Variants in NBEA observed in about 807,000 individuals in gnomAD.
NBEA encodes the protein lysosomal-trafficking regulator 2.
Under a neutral mutation model 343.4 loss-of-function variants are expected in NBEA, and 44 were observed. That is an observed-to-expected ratio of 0.13 (90% CI 0.10 to 0.16). NBEA has a LOEUF of 0.16. Ranked by LOEUF, NBEA falls within the 10% of genes least tolerant of loss-of-function variation. The pLI is 1.00. For synonymous variants in NBEA, 1,175 were observed against 1,238.7 expected (o/e 0.95, Z 1.08); for missense variants, 2,555 against 3,631.3 (o/e 0.70, Z 7.62).
intron 38 of NBEA, among the ~76,000 whole-genome samples, chr13:35,390,945 C>A (rs1240034450): frequency 6.6e-6 from 1 of 151,952 alleles, no homozygotes; most frequent in Non-Finnish European, 1.5e-5. Flanking sequence ...TTCATACTTA[C>A]CTGAAAATTC....
At chr13:35,554,270 A>G (rs1333606463) in intron 43 of NBEA, among the ~76,000 whole-genome samples, 1 of 152,200 alleles carries the variant, frequency 6.6e-6, no homozygotes, top group Non-Finnish European at 1.5e-5. Flanking sequence ...TAAGGGTGCC[A>G]TGAATTGAAA....
At chr13:35,076,510 G>A (rs1009243164) in intron 10 of NBEA, among the ~76,000 whole-genome samples, 1 of 151,860 alleles carries the variant, frequency 6.6e-6, no homozygotes, top group Non-Finnish European at 1.5e-5. Context: ...TAAATTTAGC[G>A]ACAGCCACTT....
At chr13:35,406,291 C>A (rs1466132382) in intron 38 of NBEA, among the ~76,000 whole-genome samples, 1 of 77,648 alleles carries the variant, frequency 1.3e-5, no homozygotes. Flanking sequence ...TTGACCTCAG[C>A]CAAATCTTTT....
chr13:35,538,005 C>G (rs75419091), intron 41 of NBEA, among the ~76,000 whole-genome samples: 1 of 152,310 alleles, frequency 6.6e-6, no homozygotes, highest in African/African-American at 2.4e-5. Flanking sequence ...GAATTCAGAT[C>G]ATTAAGAGAG....
intron 1 of NBEA, among the ~76,000 whole-genome samples, chr13:34,979,446 G>A (rs1013006487): frequency 5.9e-5 from 9 of 152,048 alleles, no homozygotes; most frequent in Non-Finnish European, 8.8e-5. Context: ...CTCGAACCTA[G>A]GAGGCAGAGG....
rs1376645303 is a variant in NBEA, at chr13:35,403,318, T to TTATAATAG, written c.6180-28950_6180-28949insATAATAGT. On this transcript the variant is annotated intron_variant, in intron 38 of 58. Transcript: ENST00000379939. Reference sequence around the variant, plus strand: ...AAACACTATTATAAGTACTATAGGGTTGCAAAGCTGCATGAGGTGAATATC... The same window carrying TTATAATAG: ...AAACACTATTATAAGTACTATAGGGTTATAATAGTGCAAAGCTGCATGAGGTGAATATC... Among the ~76,000 whole-genome samples the TTATAATAG allele has an allele frequency of 3.3e-5, 5 of 152,152 alleles. No homozygotes were observed. The East Asian group carries it at 9.7e-4, about 29-fold the overall frequency.
chr13:35,383,118 G>C (rs2042089107), intron 38 of NBEA, among the ~76,000 whole-genome samples: 3 of 152,126 alleles, frequency 2.0e-5, no homozygotes, highest in Admixed American at 2.0e-4. Context: ...TGAATTGTAA[G>C]AGAATTCATG....
intron 48 of NBEA, among the ~76,000 whole-genome samples, chr13:35,627,440 C>CA (rs1045752828): frequency 6.7e-6 from 1 of 149,100 alleles, no homozygotes; most frequent in Non-Finnish European, 1.5e-5. Context: ...ATAAAAAGGC[C>CA]TTTTTTTTTT....
At chr13:35,629,191 A>G (rs991164010) in intron 49 of NBEA, among the ~76,000 whole-genome samples, 40 of 152,290 alleles carry the variant, frequency 2.6e-4, no homozygotes, top group African/African-American at 8.9e-4. Context: ...CAGCTGCTAC[A>G]TAAGTGTTGC....
chr13:35,085,579 A>G (rs2064707723), intron 10 of NBEA, among the ~76,000 whole-genome samples: 1 of 152,162 alleles, frequency 6.6e-6, no homozygotes, highest in South Asian at 2.1e-4. Context: ...GATGGGACAT[A>G]TCTTAAAATA....
intron 34 of NBEA, among the ~76,000 whole-genome samples, chr13:35,238,523 A>G (rs942343728): frequency 2.6e-5 from 4 of 152,182 alleles, no homozygotes; most frequent in African/African-American, 7.2e-5. Flanking sequence ...TTTTTAATGT[A>G]AATATCCTGC....
intron 30 of NBEA, among the ~76,000 whole-genome samples, chr13:35,195,416 G>T (rs146471229): frequency 1.4e-4 from 20 of 148,000 alleles, no homozygotes; most frequent in African/African-American, 3.7e-4. Context: ...TTGTTTTTTT[G>T]AGATGGAGTT....
At chr13:35,332,054 T>C (rs1043828445) in intron 36 of NBEA, among the ~76,000 whole-genome samples, 13 of 152,048 alleles carry the variant, frequency 8.5e-5, no homozygotes, top group Admixed American at 1.3e-4. Flanking sequence ...AACATACTCA[T>C]GCATTCATTC....
intron 1 of NBEA, among the ~76,000 whole-genome samples, chr13:34,994,040 A>G (rs1462633244): frequency 6.6e-6 from 1 of 151,728 alleles, no homozygotes. Flanking sequence ...TCTACTAAAA[A>G]TACAAGAATT....
At chr13:35,372,243 T>C (rs1446030710) in intron 38 of NBEA, among the ~76,000 whole-genome samples, 1 of 152,198 alleles carries the variant, frequency 6.6e-6, no homozygotes, top group Non-Finnish European at 1.5e-5. Context: ...AAGTTGTCTA[T>C]GCTAGCATTG....
At chr13:35,222,141 T>C (rs1360116987) in intron 33 of NBEA, among the ~76,000 whole-genome samples, 1 of 152,136 alleles carries the variant, frequency 6.6e-6, no homozygotes, top group Non-Finnish European at 1.5e-5. Flanking sequence ...TTGGTTTTTT[T>C]TAATCACTGA....
chr13:35,397,370 C>A (rs2042794236), intron 38 of NBEA, among the ~76,000 whole-genome samples: 1 of 152,144 alleles, frequency 6.6e-6, no homozygotes, highest in Non-Finnish European at 1.5e-5. Context: ...AGAGGCTTTC[C>A]CCAACCATAC....
At chr13:35,356,841 G>C (rs143204041) in intron 38 of NBEA, among the ~76,000 whole-genome samples, 32 of 152,114 alleles carry the variant, frequency 2.1e-4, no homozygotes, top group African/African-American at 7.5e-4. Flanking sequence ...TGTTCCTTCT[G>C]CATGATATAC....
Position 35,593,576 on chromosome 13 carries a change from A to C in NBEA, c.7296+129A>C, listed in dbSNP as rs535775936. 7.5e-5 allele frequency: 42 copies of C among 557,342 alleles called. No homozygotes were observed. The Middle Eastern group carries it at 3.3e-3, about 43-fold the overall frequency. The allele number at this position is 557,342 out of a possible 1,614,324, so 34.5% of individuals were successfully genotyped here. The stretch of plus-strand genomic sequence containing the variant: ...CCATCATATTAAAATTATATGGTAC[A>C]TCTAACCTTATAGGAAATAATTTTG... On this transcript the variant is annotated intron_variant, in intron 47 of 58. Coordinates refer to ENST00000379939, the MANE Select transcript of NBEA (RefSeq NM_001385012.1).
Sources: gnomAD v4.1 joint callset for allele counts (sites outside exome capture counted in the v4.1 genomes callset) on GRCh38, gnomAD v4.1.1 for gene constraint, MANE v1.5 for transcripts, NCBI Gene and HGNC (gene_info 2026-07-23, HGNC 2026-07-21) for gene names.